Variants in NCKIPSD observed in about 807,000 individuals in gnomAD.
The protein encoded by NCKIPSD is NCK-interacting protein with SH3 domain.
In NCKIPSD, 48 loss-of-function variants were observed where a neutral mutation model predicts 73.4. The observed-to-expected ratio is 0.65, with a 90% CI of 0.52 to 0.83. The LOEUF (loss-of-function observed/expected upper bound fraction) is 0.83, where lower values mean the gene tolerates loss of function less well. Ranked by LOEUF, NCKIPSD falls within the 40% of genes least tolerant of loss-of-function variation. NCKIPSD has a pLI of 0.00. For synonymous variants in NCKIPSD, 422 were observed against 403.6 expected, an observed-to-expected ratio of 1.05 and a Z score of -0.54; for missense variants, 884 against 970.2, an observed-to-expected ratio of 0.91 and a Z score of 1.18.
At chr3:48,684,019 C>CACAGAG (rs563262573) in intron 1 of NCKIPSD, among the ~76,000 whole-genome samples, 131 of 141,330 alleles carry the variant, frequency 9.3e-4, no homozygotes, top group African/African-American at 3.4e-3. Context: ...CACACACACA[C>CACAGAG]AGAGAGAGAG....
chr3:48,683,668 G>GC (rs1475564589), intron 1 of NCKIPSD, among the ~76,000 whole-genome samples: 1 of 152,160 alleles, frequency 6.6e-6, no homozygotes, highest in Non-Finnish European at 1.5e-5. Flanking sequence ...GAGGGGCCTA[G>GC]CCCCTGTTCC....
At position 48,674,135 on chromosome 3, in the gene NCKIPSD, G is replaced by T; in HGVS notation, c.*409C>A. On this transcript the variant is annotated 3_prime_UTR_variant, in exon 13 of 13. Transcript: ENST00000294129. ...CACTGCAAAGCTAAGGCAAAGAATA[G>T]AGCTGGTGGGAGATGCCTCCCCTCA... 8.8e-7 allele frequency: 1 copy of T among 1,139,214 alleles called. No individual in the cohort carries two copies. The highest frequency in any genetic ancestry group is 3.3e-5 in the South Asian group (1 of 30,534). 70.6% of individuals were successfully genotyped at this position (1,139,214 alleles called of 1,614,324 possible). A position where few individuals can be genotyped will look rare whatever the true frequency, so the allele number is the denominator to read the frequency against.
intron 6 of NCKIPSD, 72 bp from the exon 7 acceptor site, chr3:48,679,959 GC>G: frequency 3.1e-6 from 5 of 1,611,682 alleles, no homozygotes; most frequent in Non-Finnish European, 4.2e-6. Context: ...AGAGGGCTGA[GC>G]ACATATGTGT....
At chr3:48,680,603 C>T (rs995472335) in intron 5 of NCKIPSD, among the ~76,000 whole-genome samples, 1 of 152,144 alleles carries the variant, frequency 6.6e-6, no homozygotes, top group East Asian at 1.9e-4. Context: ...CCCTGCTGAC[C>T]AGGCACTAGC....
At chr3:48,679,317 C>G in intron 9 of NCKIPSD, 60 bp downstream of exon 9, 1 of 1,613,138 alleles carries the variant, frequency 6.2e-7, no homozygotes, top group Non-Finnish European at 8.5e-7. Flanking sequence ...GTCCCAGGCC[C>G]TCGGGCAATG....
chr3:48,679,962 CAT>C lies in NCKIPSD; in HGVS notation c.1264-77_1264-76del. On this transcript the variant is annotated intron_variant, in intron 6 of 12. Coordinates refer to ENST00000294129, the MANE Select transcript of NCKIPSD (RefSeq NM_016453.4). ...CAGCCGCACAAGAGAGGGCTGAGCA[CAT>C]ATGTGTAGGGGAGACTCCTAGCACT... 2.5e-6 allele frequency: 4 copies of C among 1,612,046 alleles called. No homozygotes were observed. In the South Asian group the frequency reaches 3.3e-5, roughly 13 times the overall value.
chr3:48,675,287 G>T (rs1575559669), intron 12 of NCKIPSD, among the ~76,000 whole-genome samples: 1 of 151,764 alleles, frequency 6.6e-6, no homozygotes, highest in Non-Finnish European at 1.5e-5. Context: ...CTTACCTTTA[G>T]AAAGAGCACT....
Position 48,682,040 on chromosome 3 carries a change from C to T in NCKIPSD, c.598+5G>A, listed in dbSNP as rs1432457608. 1.3e-6 allele frequency: 2 copies of T among 1,599,948 alleles called. No individual in the cohort carries two copies. The highest frequency in any genetic ancestry group is 1.7e-6 in the Non-Finnish European group (2 of 1,179,590). On this transcript the variant is annotated splice_donor_5th_base_variant and intron_variant, in intron 4 of 12. Coordinates refer to ENST00000294129, the MANE Select transcript of NCKIPSD (RefSeq NM_016453.4). ...ACCTGAATTCCCCTAACCCTGCCTT[C>T]TTACCACTCCCAGAGGCCATCAGGG...
chr3:48,677,949 G>T (rs560744101), intron 12 of NCKIPSD, among the ~76,000 whole-genome samples: 6 of 152,134 alleles, frequency 3.9e-5, no homozygotes, highest in Non-Finnish European at 7.3e-5. Flanking sequence ...GTACCTGGGT[G>T]TCTAGCAGAT....
At position 48,673,870 on chromosome 3, in the gene NCKIPSD, A is replaced by G; in HGVS notation, c.*674T>C. 9.6e-7 allele frequency: 1 copy of G among 1,046,218 alleles called. No homozygotes were observed. Among genetic ancestry groups the G allele is most frequent in the East Asian group, 5.6e-5 (1 of 17,902 alleles). The allele number at this position is 1,046,218 out of a possible 1,614,324, so 64.8% of individuals were successfully genotyped here. A position where few individuals can be genotyped will look rare whatever the true frequency, so the allele number is the denominator to read the frequency against. ...TTCCAGATGCCTGTGATTTATTTCCAAAGGAGAGCTACAGCACATAGGAAA... is the reference window on the plus strand; with the variant it reads ...TTCCAGATGCCTGTGATTTATTTCCGAAGGAGAGCTACAGCACATAGGAAA... On this transcript the variant is annotated 3_prime_UTR_variant, in exon 13 of 13. Coordinates refer to ENST00000294129, the MANE Select transcript of NCKIPSD (RefSeq NM_016453.4).
rs1258040200 is a variant in NCKIPSD at position 48,674,427 on chromosome 3, C to T, written c.*117G>A. 4 of 1,478,378 alleles carry T rather than the reference C, an allele frequency of 2.7e-6. No individual in the cohort carries two copies. Among genetic ancestry groups the T allele is most frequent in the Non-Finnish European group, 3.6e-6 (4 of 1,114,170 alleles). 91.6% of individuals were successfully genotyped at this position (1,478,378 alleles called of 1,614,324 possible). On this transcript the variant is annotated 3_prime_UTR_variant, in exon 13 of 13. Transcript: ENST00000294129. ...TTCTACTTCAGGTGGGGGTCCTGCT[C>T]AGGTTCCTTCTGCCACCTTATCCCC...
chr3:48,682,557 T>C lies in NCKIPSD; in HGVS notation c.282-5A>G, dbSNP rs751676397. ...TTCCGGTGGTGGATCAGCTTCCTGA[T>C]GGAAGGACAGGAAGACTATTGGGGG... On this transcript the variant is annotated splice_polypyrimidine_tract_variant and splice_region_variant and intron_variant, in intron 2 of 12. Transcript: ENST00000294129. 7 of 1,613,568 alleles carry C rather than the reference T, an allele frequency of 4.3e-6. No individual in the cohort carries two copies. In the African/African-American group the frequency reaches 9.3e-5, roughly 22 times the overall value.
In NCKIPSD at chr3:48,679,814, G is replaced by C. The variant is rs765191405; in HGVS notation, c.1337C>G (p.Ala446Gly). The C allele has an allele frequency of 6.2e-7, 1 of 1,614,192 alleles. No individual in the cohort carries two copies. Among genetic ancestry groups the C allele is most frequent in the African/African-American group, 1.3e-5 (1 of 75,052 alleles). ...TCCTGCACATACCATTTGGTAATAG[G>C]CCACCAAGGCCAGGACAGACTCGAA... ...NEFESVLALVAYYQMEHRASL... is the reference protein window; with the variant it reads ...NEFESVLALVGYYQMEHRASL... Residue 446 changes from alanine to glycine, a missense_variant, in exon 7 of 13, where the codon GCC becomes GGC. Coordinates refer to ENST00000294129, the MANE Select transcript of NCKIPSD (RefSeq NM_016453.4).
Position 48,685,733 on chromosome 3 carries a change from C to A in NCKIPSD, c.75G>T (p.Leu25=), listed in dbSNP as rs1198064827. 5.2e-6 allele frequency: 8 copies of A among 1,534,254 alleles called. No homozygotes were observed. The Admixed American group carries it at 7.8e-5, about 15-fold the overall frequency. The change falls in exon 1 of 13, where the codon CTG becomes CTT. Residue 25 remains leucine (L), a synonymous_variant. Coordinates refer to ENST00000294129, the MANE Select transcript of NCKIPSD (RefSeq NM_016453.4). ...AGTGCGCGCTGCTTCGCTCTAGCACCAGGAAGGTCTCGCCCGCGGCGAACG... is the reference window on the plus strand; with the variant it reads ...AGTGCGCGCTGCTTCGCTCTAGCACAAGGAAGGTCTCGCCCGCGGCGAACG... The part of the protein sequence containing the change: ...ALAFAAGETF[L]VLERSSAHWW...
At position 48,681,504 on chromosome 3, in the gene NCKIPSD, G is replaced by T; in HGVS notation, c.875C>A (p.Thr292Lys). 1 of 1,614,196 alleles carries T rather than the reference G, an allele frequency of 6.2e-7. No homozygotes were observed. The highest frequency in any genetic ancestry group is 8.5e-7 in the Non-Finnish European group (1 of 1,180,042). ...SASDDLEALG[T>K]LSLGTTEEKA... ...CTCCTCTGTGGTCCCCAGGCTCAGT[G>T]TACCCAGGGCTTCCAGGTCATCAGA... Residue 292 changes from threonine (T) to lysine (K), a missense_variant, in exon 5 of 13, where the codon ACA becomes AAA. Coordinates refer to ENST00000294129, the MANE Select transcript of NCKIPSD (RefSeq NM_016453.4).
At chr3:48,677,256 T>C (rs979153518) in intron 12 of NCKIPSD, among the ~76,000 whole-genome samples, 4 of 151,452 alleles carry the variant, frequency 2.6e-5, no homozygotes, top group East Asian at 2.0e-4. Context: ...GGTGTGGTAG[T>C]GGGTGACTGT....
At chr3:48,682,698 C>A in intron 2 of NCKIPSD, 146 bp from the exon 3 acceptor site, 1 of 1,151,900 alleles carries the variant, frequency 8.7e-7, no homozygotes, top group Non-Finnish European at 1.2e-6. Context: ...TACAGTACCC[C>A]ATACTATCCT....
Position 48,682,402 on chromosome 3 carries a change from C to T in NCKIPSD, c.432G>A (p.Arg144=). The part of the protein sequence containing the change: ...PNGVCRAGFE[R]QHSLPSSEHL... ...GCTCAGAACTGGGTAGGCTGTGCTGCCGCTCGAACCCAGCTCGACACACCC... is the reference window on the plus strand; with the variant it reads ...GCTCAGAACTGGGTAGGCTGTGCTGTCGCTCGAACCCAGCTCGACACACCC... The change falls in exon 3 of 13, where the codon CGG becomes CGA. Residue 144 remains arginine, a synonymous_variant. Transcript: ENST00000294129. 1 of 1,614,144 alleles carries T rather than the reference C, an allele frequency of 6.2e-7. No individual in the cohort carries two copies. The highest frequency in any genetic ancestry group is 8.5e-7 in the Non-Finnish European group (1 of 1,180,000).
rs777372660 is a variant in NCKIPSD at position 48,685,856 on chromosome 3, A to C, written c.-49T>G. 1.5e-6 allele frequency: 2 copies of C among 1,357,330 alleles called. No homozygotes were observed. Among genetic ancestry groups the C allele is most frequent in the Non-Finnish European group, 9.4e-7 (1 of 1,058,224 alleles). 84.1% of individuals were successfully genotyped at this position (1,357,330 alleles called of 1,614,324 possible). A position where few individuals can be genotyped will look rare whatever the true frequency, so the allele number is the denominator to read the frequency against. On this transcript the variant is annotated 5_prime_UTR_variant, in exon 1 of 13. Coordinates refer to ENST00000294129, the MANE Select transcript of NCKIPSD (RefSeq NM_016453.4). ...GGAAGGTGGCAAGGGCTGCGGCGCC[A>C]CAACGCCAGGCCGGGAGCGCCGAGC...
Sources: allele counts gnomAD v4.1 joint callset (sites outside exome capture counted in the v4.1 genomes callset), GRCh38; gene constraint gnomAD v4.1.1; transcripts MANE v1.5; gene names NCBI Gene and HGNC (gene_info 2026-07-23, HGNC 2026-07-21).